Variants in ARHGAP20 observed in about 807,000 individuals in gnomAD.
ARHGAP20 encodes rho GTPase-activating protein 20.
A neutral mutation model predicts 73.7 loss-of-function variants in ARHGAP20; 34 were observed. The observed-to-expected ratio is 0.46, with a 90% CI of 0.35 to 0.61. ARHGAP20 has a LOEUF of 0.61. ARHGAP20 is among the 20% of genes least tolerant of loss of function. The pLI is 0.00. For missense variants in ARHGAP20, 1,314 were observed against 1,420.9 expected (o/e 0.92, Z 1.21); for synonymous variants, 523 against 518.2 (o/e 1.01, Z -0.13).
chr11:110,673,941 ATTTTTTT>A (rs11289312), intron 2 of ARHGAP20, among the ~76,000 whole-genome samples: 9 of 144,184 alleles, frequency 6.2e-5, no homozygotes, highest in African/African-American at 1.8e-4. Flanking sequence ...AACGAAGGCT[ATTTTTTT>A]TTTTTTTTGA....
intron 1 of ARHGAP20, among the ~76,000 whole-genome samples, chr11:110,694,149 A>G (rs1200115663): frequency 1.3e-5 from 2 of 151,858 alleles, no homozygotes; most frequent in Non-Finnish European, 3.0e-5. Context: ...ATTTTATGTG[A>G]GCTAAGAAAC....
intron 4 of ARHGAP20, among the ~76,000 whole-genome samples, chr11:110,622,579 A>G (rs1370076458): frequency 1.3e-5 from 2 of 152,168 alleles, no homozygotes; most frequent in Admixed American, 6.5e-5. Flanking sequence ...CTAGAAGCTA[A>G]TCTAGAATAC....
At chr11:110,648,188 TGTAA>T (rs1263749015) in intron 2 of ARHGAP20, among the ~76,000 whole-genome samples, 1 of 103,964 alleles carries the variant, frequency 9.6e-6, no homozygotes, top group South Asian at 3.1e-4. Context: ...TATATATATA[TGTAA>T]ATATATATAT....
chr11:110,681,358 CTCTTT>C (rs1950033162), intron 2 of ARHGAP20, among the ~76,000 whole-genome samples: 1 of 152,090 alleles, frequency 6.6e-6, no homozygotes, highest in Admixed American at 6.6e-5. Context: ...CTGGTAACTT[CTCTTT>C]TAAATTAATT....
chr11:110,690,007 T>G (rs1359745985), intron 2 of ARHGAP20, among the ~76,000 whole-genome samples: 1 of 152,116 alleles, frequency 6.6e-6, no homozygotes, highest in Non-Finnish European at 1.5e-5. Flanking sequence ...AAATAGCAAT[T>G]AGCCTCCATT....
At chr11:110,598,633 G>A (rs561006202) in intron 9 of ARHGAP20, among the ~76,000 whole-genome samples, 3 of 152,312 alleles carry the variant, frequency 2.0e-5, no homozygotes, top group African/African-American at 7.2e-5. Flanking sequence ...CTAACTGCCT[G>A]AAGGAACAAA....
rs184862755 is a variant in ARHGAP20 at position 110,631,711 on chromosome 11, T to C, written c.189-919A>G. On this transcript the variant is annotated intron_variant, in intron 2 of 14. Coordinates refer to ENST00000683387, the MANE Select transcript of ARHGAP20 (RefSeq NM_001384657.1). Reference sequence around the variant, plus strand: ...CTGATTCTTTTCTCCCCTGCCCTCCTTCCCTTCTGGATGGTGGCTCCTTGC... The same window carrying C: ...CTGATTCTTTTCTCCCCTGCCCTCCCTCCCTTCTGGATGGTGGCTCCTTGC... 2.0e-5 allele frequency among the ~76,000 whole-genome samples: 3 copies of C among 152,266 alleles called. No individual in the cohort carries two copies. The East Asian group carries it at 5.8e-4, about 29-fold the overall frequency.
chr11:110,609,701 G>A (rs1407616052), intron 7 of ARHGAP20, among the ~76,000 whole-genome samples: 1 of 152,160 alleles, frequency 6.6e-6, no homozygotes, highest in Admixed American at 6.5e-5. Context: ...TCCTCTAGGA[G>A]GGATGATAAA....
chr11:110,682,453 T>C (rs147409990), intron 2 of ARHGAP20, among the ~76,000 whole-genome samples: 1 of 152,188 alleles, frequency 6.6e-6, no homozygotes, highest in East Asian at 1.9e-4. Flanking sequence ...GATTTAGACC[T>C]GGCAATTTGG....
intron 2 of ARHGAP20, among the ~76,000 whole-genome samples, chr11:110,672,687 C>G (rs778683918): frequency 1.3e-5 from 2 of 152,080 alleles, no homozygotes; most frequent in Admixed American, 6.6e-5. Context: ...AGGTGTCAAG[C>G]CAAAATGTTG....
chr11:110,627,613 T>C (rs188471032), intron 3 of ARHGAP20, among the ~76,000 whole-genome samples: 1 of 152,168 alleles, frequency 6.6e-6, no homozygotes, highest in Admixed American at 6.5e-5. Context: ...TATCTGATGG[T>C]AATTCTATTA....
chr11:110,637,581 T>C (rs1360618712), intron 2 of ARHGAP20, among the ~76,000 whole-genome samples: 5 of 152,148 alleles, frequency 3.3e-5, no homozygotes, highest in African/African-American at 1.2e-4. Context: ...AATAAATTAT[T>C]TGTAATAGTG....
intron 2 of ARHGAP20, among the ~76,000 whole-genome samples, chr11:110,649,871 C>T (rs1052703664): frequency 1.3e-5 from 2 of 151,822 alleles, no homozygotes; most frequent in African/African-American, 4.8e-5. Flanking sequence ...TCTATTTTTC[C>T]AGTTCTCTCA....
intron 9 of ARHGAP20, among the ~76,000 whole-genome samples, chr11:110,600,161 G>C (rs1201118635): frequency 6.6e-6 from 1 of 152,266 alleles, no homozygotes; most frequent in Non-Finnish European, 1.5e-5. Flanking sequence ...GAGGCTGAAA[G>C]AGTGGTAACA....
intron 2 of ARHGAP20, among the ~76,000 whole-genome samples, chr11:110,650,798 G>T (rs1949333027): frequency 1.3e-5 from 2 of 152,096 alleles, no homozygotes; most frequent in Non-Finnish European, 2.9e-5. Flanking sequence ...TGTCTCTCTT[G>T]CCCATGCTAA....
chr11:110,685,775 G>A (rs1184951145), intron 2 of ARHGAP20, among the ~76,000 whole-genome samples: 1 of 152,084 alleles, frequency 6.6e-6, no homozygotes, highest in East Asian at 1.9e-4. Context: ...AGGTTCTACA[G>A]CAATGCCAAA....
intron 2 of ARHGAP20, among the ~76,000 whole-genome samples, chr11:110,660,061 C>CAAAAAAAAAAAA (rs746439426): frequency 2.0e-4 from 14 of 69,208 alleles, no homozygotes; most frequent in African/African-American, 4.7e-4. Flanking sequence ...TAATAAAAAA[C>CAAAAAAAAAAAA]AAAAAAAAAA....
chr11:110,579,814 A>T lies in ARHGAP20; in HGVS notation c.3132T>A (p.Ser1044Arg), dbSNP rs1284474315. 1 of 1,614,024 alleles carries T rather than the reference A, an allele frequency of 6.2e-7. No homozygotes were observed. Among genetic ancestry groups the T allele is most frequent in the Non-Finnish European group, 8.5e-7 (1 of 1,180,004 alleles). The change falls in exon 15 of 15, where the codon AGT (serine) becomes AGA (arginine). Residue 1044 changes from serine to arginine, a missense_variant. Ser to Arg is a moderately radical substitution (Grantham distance 110, BLOSUM62 -1). Coordinates refer to ENST00000683387, the MANE Select transcript of ARHGAP20 (RefSeq NM_001384657.1). ...PSTWLRNGVA[S>R]LKNWSLKKKA... is the part of the protein sequence containing the mutation. ...TCTTTTTGAGGGACCAGTTTTTCAA[A>T]CTGGCCACACCATTTCTCAACCATG...
chr11:110,651,857 A>G (rs1949363275), intron 2 of ARHGAP20, among the ~76,000 whole-genome samples: 1 of 152,148 alleles, frequency 6.6e-6, no homozygotes, highest in East Asian at 1.9e-4. Context: ...CAAACAACTG[A>G]GAAGGAGGGA....
Sources: gnomAD v4.1 joint callset for allele counts (sites outside exome capture counted in the v4.1 genomes callset) on GRCh38, gnomAD v4.1.1 for gene constraint, MANE v1.5 for transcripts, NCBI Gene and HGNC (gene_info 2026-07-23, HGNC 2026-07-21) for gene names.